Variants in TSHZ3 observed in about 807,000 individuals in gnomAD.
TSHZ3 encodes the protein teashirt zinc finger homeobox 3, also known as teashirt homolog 3.
A neutral mutation model predicts 64.5 loss-of-function variants in TSHZ3; 10 were observed. That is an observed-to-expected ratio of 0.16 (90% confidence interval 0.10 to 0.26). The LOEUF (loss-of-function observed/expected upper bound fraction) is 0.26. Among genes scored for constraint, TSHZ3 ranks in the 10% least tolerant of loss-of-function variants. The pLI is 1.00. For synonymous variants in TSHZ3, 608 were observed against 593.1 expected (o/e 1.03, Z -0.36); for missense variants, 1,242 against 1,421.7 (o/e 0.87, Z 2.03).
chr19:31,341,318 G>T (rs368181688), intron 1 of TSHZ3, among the ~76,000 whole-genome samples: 1 of 152,100 alleles, frequency 6.6e-6, no homozygotes, highest in Non-Finnish European at 1.5e-5. Context: ...CAAGTATTGC[G>T]CACTTGGGGT....
chr19:31,350,791 G>A (rs1314264401), upstream of TSHZ3, among the ~76,000 whole-genome samples: 3 of 148,322 alleles, frequency 2.0e-5, no homozygotes, highest in Admixed American at 6.7e-5. Flanking sequence ...CTGAGCGGGA[G>A]CCGGAGCCCG....
chr19:31,256,049 C>T (rs1428946610), intron 1 of TSHZ3, among the ~76,000 whole-genome samples: 1 of 152,160 alleles, frequency 6.6e-6, no homozygotes, highest in Non-Finnish European at 1.5e-5. Context: ...AAACTGAGTG[C>T]ATGGTCATTC....
At chr19:31,216,348 A>C (rs1155806) in intron 4 of TSHZ3, among the ~76,000 whole-genome samples, 1 of 152,002 alleles carries the variant, frequency 6.6e-6, no homozygotes, top group East Asian at 1.9e-4. Flanking sequence ...TTTGCTGCAA[A>C]AGGAGGGACC....
chr19:31,153,267 T>C (rs1026402954), intron 6 of TSHZ3, among the ~76,000 whole-genome samples: 12 of 152,212 alleles, frequency 7.9e-5, no homozygotes, highest in Admixed American at 5.9e-4. Flanking sequence ...AAATATAACA[T>C]GGCACTCAGG....
intron 1 of TSHZ3, among the ~76,000 whole-genome samples, chr19:31,246,516 T>G (rs758196630): frequency 6.6e-6 from 1 of 151,682 alleles, no homozygotes; most frequent in Admixed American, 6.6e-5. Context: ...GAGTATAAAA[T>G]TGGAAAGGGG....
chr19:31,150,142 T>C (rs981304072), exon 7 of TSHZ3, among the ~76,000 whole-genome samples: 30 of 152,234 alleles, frequency 2.0e-4, no homozygotes, highest in East Asian at 3.9e-4. Flanking sequence ...GTGATTTTTT[T>C]CCCCTTCTTT....
chr19:31,163,693 T>G (rs958122492), intron 5 of TSHZ3, among the ~76,000 whole-genome samples: 1 of 152,146 alleles, frequency 6.6e-6, no homozygotes, highest in African/African-American at 2.4e-5. Flanking sequence ...ATGGTACCAC[T>G]GCACTCCAAT....
intron 6 of TSHZ3, among the ~76,000 whole-genome samples, chr19:31,155,909 T>C (rs1568332011): frequency 2.0e-5 from 3 of 152,216 alleles, no homozygotes; most frequent in Admixed American, 6.5e-5. Context: ...AGTGACACCA[T>C]TGGGAATAAT....
upstream of TSHZ3, among the ~76,000 whole-genome samples, chr19:31,350,802 A>AGCGGCGCGG (rs2021699858): frequency 6.9e-6 from 1 of 145,414 alleles, no homozygotes; most frequent in Admixed American, 6.8e-5. Flanking sequence ...CCGGAGCCCG[A>AGCGGCGCGG]GCGGCGCGGG....
intron 1 of TSHZ3, among the ~76,000 whole-genome samples, chr19:31,307,470 C>A (rs1916334351): frequency 6.6e-6 from 1 of 152,090 alleles, no homozygotes; most frequent in Non-Finnish European, 1.5e-5. Flanking sequence ...CTGGAAACAG[C>A]CCCACCTCCT....
At chr19:31,235,753 C>T (rs1975606858) in intron 3 of TSHZ3, among the ~76,000 whole-genome samples, 1 of 140,128 alleles carries the variant, frequency 7.1e-6, no homozygotes, top group East Asian at 2.0e-4. Context: ...CTCTGTCGCC[C>T]AGGCTGGAGT....
chr19:31,311,718 C>T (rs2145154942), intron 1 of TSHZ3, among the ~76,000 whole-genome samples: 1 of 152,060 alleles, frequency 6.6e-6, no homozygotes, highest in African/African-American at 2.4e-5. Flanking sequence ...GCAGAGCCAC[C>T]CCTCTTTATT....
chr19:31,212,776 T>G (rs773542951), intron 4 of TSHZ3, among the ~76,000 whole-genome samples: 10 of 152,130 alleles, frequency 6.6e-5, no homozygotes, highest in Non-Finnish European at 1.0e-4. Context: ...AGATTAAAAT[T>G]TATGTCTCAC....
At chr19:31,298,660 A>T (rs1442387729) in intron 1 of TSHZ3, among the ~76,000 whole-genome samples, 1 of 152,110 alleles carries the variant, frequency 6.6e-6, no homozygotes, top group African/African-American at 2.4e-5. Context: ...ATCGCTGCCC[A>T]GCTATAAACC....
intron 4 of TSHZ3, among the ~76,000 whole-genome samples, chr19:31,215,849 C>T (rs542198948): frequency 2.6e-5 from 4 of 151,508 alleles, no homozygotes; most frequent in African/African-American, 7.3e-5. Flanking sequence ...CCAGCCTTGG[C>T]GACAAAGCGA....
intron 3 of TSHZ3, among the ~76,000 whole-genome samples, chr19:31,233,364 C>A (rs1320531070): frequency 2.0e-5 from 3 of 152,184 alleles, no homozygotes; most frequent in Admixed American, 1.3e-4. Context: ...AGCATCATTT[C>A]ATTCACTCAT....
chr19:31,344,517 C>T (rs564487789), intron 1 of TSHZ3, among the ~76,000 whole-genome samples: 1 of 152,342 alleles, frequency 6.6e-6, no homozygotes, highest in South Asian at 2.1e-4. Flanking sequence ...GAACTGCTGC[C>T]ACTCTTGGAT....
intron 5 of TSHZ3, among the ~76,000 whole-genome samples, chr19:31,163,755 T>C (rs1033655213): frequency 1.3e-5 from 2 of 151,990 alleles, no homozygotes; most frequent in Admixed American, 6.6e-5. Flanking sequence ...ACAAGAAAGA[T>C]GACTATGGCC....
intron 1 of TSHZ3, among the ~76,000 whole-genome samples, chr19:31,316,063 G>A (rs548895992): frequency 6.6e-6 from 1 of 152,304 alleles, no homozygotes; most frequent in South Asian, 2.1e-4. Flanking sequence ...TGCACTTCGG[G>A]TGGGTGTGTA....
Sources: allele counts gnomAD v4.1 joint callset (sites outside exome capture counted in the v4.1 genomes callset), GRCh38; gene constraint gnomAD v4.1.1; transcripts MANE v1.5; gene names NCBI Gene and HGNC (gene_info 2026-07-23, HGNC 2026-07-21).